Variants in PRKN observed in about 807,000 individuals in gnomAD.
PRKN encodes the protein E3 ubiquitin-protein ligase parkin.
In PRKN, 56 loss-of-function variants were observed where a neutral mutation model predicts 59.5. The observed-to-expected ratio is 0.94, with a 90% CI of 0.76 to 1.18. PRKN has a LOEUF of 1.18. Ranked by LOEUF, PRKN falls within the 50% of genes most tolerant of loss-of-function variation. The pLI, the probability that PRKN is intolerant of heterozygous loss-of-function variation, is 0.00. For synonymous variants in PRKN, 250 were observed against 222.1 expected (o/e 1.13, Z -1.12); for missense variants, 657 against 596.4 (o/e 1.10, Z -1.06).
At chr6:162,428,349 T>C (rs1789344153) in intron 2 of PRKN, among the ~76,000 whole-genome samples, 1 of 152,210 alleles carries the variant, frequency 6.6e-6, no homozygotes, top group Non-Finnish European at 1.5e-5. Flanking sequence ...TGTCTTACTA[T>C]ATATTATTTG....
chr6:162,710,031 A>G (rs1778471766), intron 1 of PRKN, among the ~76,000 whole-genome samples: 1 of 152,140 alleles, frequency 6.6e-6, no homozygotes, highest in Admixed American at 6.5e-5. Flanking sequence ...TTGGGGTGTT[A>G]TCATGACAAG....
intron 4 of PRKN, among the ~76,000 whole-genome samples, chr6:162,173,802 A>C (rs1301361022): frequency 3.3e-5 from 5 of 152,154 alleles, no homozygotes; most frequent in Non-Finnish European, 5.9e-5. Flanking sequence ...CTATAATGGA[A>C]TTGCAATATT....
chr6:161,663,096 A>G (rs1462022289), intron 7 of PRKN, among the ~76,000 whole-genome samples: 1 of 152,178 alleles, frequency 6.6e-6, no homozygotes, highest in Non-Finnish European at 1.5e-5. Context: ...GCCTGCCGCC[A>G]TGGAAGATGT....
intron 7 of PRKN, among the ~76,000 whole-genome samples, chr6:161,704,321 C>T (rs866751151): frequency 6.6e-6 from 1 of 152,080 alleles, no homozygotes; most frequent in Non-Finnish European, 1.5e-5. Context: ...GACTAAAATA[C>T]CCCACCACTG....
chr6:162,063,307 C>G (rs1778181673), intron 4 of PRKN, among the ~76,000 whole-genome samples: 1 of 152,022 alleles, frequency 6.6e-6, no homozygotes, highest in Admixed American at 6.5e-5. Context: ...AAGCAAAAAC[C>G]TTGAACAGGC....
intron 7 of PRKN, among the ~76,000 whole-genome samples, chr6:161,638,322 A>C (rs1486559067): frequency 6.6e-6 from 1 of 151,998 alleles, no homozygotes; most frequent in Non-Finnish European, 1.5e-5. Flanking sequence ...TTCAGTAGAG[A>C]TGGGGTTTCA....
At chr6:162,281,183 G>T (rs1400669454) in intron 2 of PRKN, among the ~76,000 whole-genome samples, 3 of 151,728 alleles carry the variant, frequency 2.0e-5, no homozygotes, top group Non-Finnish European at 2.9e-5. Context: ...ACCAAACCCC[G>T]CATGTTCTCA....
In PRKN at chr6:162,417,367, C is replaced by A. The variant is rs1345516102; in HGVS notation, c.171+25943G>T. On this transcript the variant is annotated intron_variant, in intron 2 of 11. Transcript: ENST00000366898. ...GGGTCGCTGCCTTTCCTGCCCCCGG[C>A]AGCCGGGCATCCCCTGAGGGGATCT... Among the ~76,000 whole-genome samples the A allele has an allele frequency of 2.6e-5, 4 of 152,190 alleles. 1 individual carries two copies. The highest frequency in any genetic ancestry group is 2.6e-4 in the Admixed American group (4 of 15,276).
intron 6 of PRKN, among the ~76,000 whole-genome samples, chr6:161,858,627 T>C (rs1793752909): frequency 2.0e-5 from 3 of 151,928 alleles, no homozygotes; most frequent in Admixed American, 2.0e-4. Context: ...CCGGGAACTT[T>C]CTGTTCCAGA....
At chr6:162,004,507 A>G (rs1178068349) in intron 5 of PRKN, among the ~76,000 whole-genome samples, 1 of 152,206 alleles carries the variant, frequency 6.6e-6, no homozygotes, top group Non-Finnish European at 1.5e-5. Flanking sequence ...CCAGCAGTTC[A>G]TATTTGGTGC....
chr6:162,365,903 C>CTA (rs1463391773), intron 2 of PRKN, among the ~76,000 whole-genome samples: 7 of 152,108 alleles, frequency 4.6e-5, no homozygotes, highest in African/African-American at 1.7e-4. Context: ...CATAGGCTCT[C>CTA]AATAAACGTC....
At chr6:161,755,183 G>A (rs964128797) in intron 7 of PRKN, among the ~76,000 whole-genome samples, 5 of 152,144 alleles carry the variant, frequency 3.3e-5, no homozygotes, top group Non-Finnish European at 5.9e-5. Context: ...CCACAGACAA[G>A]CCCAGCTTCT....
intron 7 of PRKN, among the ~76,000 whole-genome samples, chr6:161,710,620 A>G (rs1583037964): frequency 6.6e-6 from 1 of 152,142 alleles, no homozygotes; most frequent in African/African-American, 2.4e-5. Flanking sequence ...TTAGAGGTCT[A>G]GACATATTCC....
intron 7 of PRKN, among the ~76,000 whole-genome samples, chr6:161,587,142 T>C (rs964969210): frequency 4.6e-5 from 7 of 152,226 alleles, no homozygotes; most frequent in Non-Finnish European, 1.0e-4. Flanking sequence ...CAAAATTGGT[T>C]ACCACTTAAA....
At chr6:161,611,707 T>C (rs939368793) in intron 7 of PRKN, among the ~76,000 whole-genome samples, 105 of 152,200 alleles carry the variant, frequency 6.9e-4, no homozygotes, top group African/African-American at 2.1e-3. Flanking sequence ...GTTAGGCCAA[T>C]TAATAAACCT....
In PRKN at chr6:161,537,613, G is replaced by A. The variant is rs540443530; in HGVS notation, c.1083+11241C>T. On this transcript the variant is annotated intron_variant, in intron 9 of 11. Coordinates refer to ENST00000366898, the MANE Select transcript of PRKN (RefSeq NM_004562.3). Reference sequence around the variant, plus strand: ...ACTACAGGCACCCGCCACCATGCTCGGCTAATTTTTTGTGTTTTTAGTAGA... The same window carrying A: ...ACTACAGGCACCCGCCACCATGCTCAGCTAATTTTTTGTGTTTTTAGTAGA... Among the ~76,000 whole-genome samples, 24 of 151,988 alleles carry A rather than the reference G, an allele frequency of 1.6e-4. 1 individual carries two copies. In the South Asian group the frequency reaches 3.1e-3, roughly 20 times the overall value.
At chr6:162,166,257 A>G (rs990330226) in intron 4 of PRKN, among the ~76,000 whole-genome samples, 1 of 152,116 alleles carries the variant, frequency 6.6e-6, no homozygotes, top group Non-Finnish European at 1.5e-5. Context: ...AAAAATCGCC[A>G]ACATATTTTG....
chr6:161,764,440 C>T (rs1242716066), intron 7 of PRKN, among the ~76,000 whole-genome samples: 1 of 152,134 alleles, frequency 6.6e-6, no homozygotes, highest in Non-Finnish European at 1.5e-5. Flanking sequence ...CCTATGCAAC[C>T]GTCTTTGTTT....
At chr6:161,404,112 T>C (rs2114987049) in intron 9 of PRKN, among the ~76,000 whole-genome samples, 1 of 152,292 alleles carries the variant, frequency 6.6e-6, no homozygotes, top group East Asian at 1.9e-4. Flanking sequence ...CTGTTTCTCC[T>C]GTGTGTTCTC....
Sources: allele counts gnomAD v4.1 joint callset (sites outside exome capture counted in the v4.1 genomes callset), GRCh38; gene constraint gnomAD v4.1.1; transcripts MANE v1.5; gene names NCBI Gene and HGNC (gene_info 2026-07-23, HGNC 2026-07-21).